Variants in DNAH8 observed in about 807,000 individuals in gnomAD.
DNAH8 encodes the protein axonemal beta dynein heavy chain 8.
In DNAH8, 382 loss-of-function variants were observed where a neutral mutation model predicts 562.1. The observed-to-expected ratio is 0.68, with a 90% CI of 0.63 to 0.74. The LOEUF is 0.74. DNAH8 is among the 30% of genes least tolerant of loss of function. DNAH8 has a pLI of 0.00. For missense variants in DNAH8, 5,203 were observed against 5,620.4 expected, an observed-to-expected ratio of 0.93 and a Z score of 2.37; for synonymous variants, 1,881 against 1,919.4, an observed-to-expected ratio of 0.98 and a Z score of 0.52.
chr6:38,740,918 A>G (rs937909611), intron 7 of DNAH8, among the ~76,000 whole-genome samples: 2 of 152,138 alleles, frequency 1.3e-5, no homozygotes, highest in Admixed American at 6.5e-5. Flanking sequence ...CCAACCTTAG[A>G]TATGCTAGTT....
intron 12 of DNAH8, among the ~76,000 whole-genome samples, chr6:38,772,837 TTG>T (rs1337998786): frequency 6.7e-6 from 1 of 149,292 alleles, no homozygotes; most frequent in African/African-American, 2.4e-5. Flanking sequence ...ATTAAAAAAA[TTG>T]AGATGGGGTC....
At chr6:38,907,087 T>C (rs1159404908) in intron 63 of DNAH8, among the ~76,000 whole-genome samples, 1 of 152,180 alleles carries the variant, frequency 6.6e-6, no homozygotes, top group Admixed American at 6.5e-5. Context: ...GTTCAACTTA[T>C]AGTTATACTC....
intron 12 of DNAH8, among the ~76,000 whole-genome samples, chr6:38,772,089 C>T (rs1229740229): frequency 7.0e-6 from 1 of 143,182 alleles, no homozygotes; most frequent in Non-Finnish European, 1.5e-5. Context: ...AGTGCAGTGG[C>T]GTGATCTCGG....
intron 24 of DNAH8, among the ~76,000 whole-genome samples, chr6:38,813,310 T>G (rs1771964850): frequency 6.6e-6 from 1 of 152,216 alleles, no homozygotes; most frequent in Non-Finnish European, 1.5e-5. Context: ...TCCTTTCCAA[T>G]AATACGTTTA....
chr6:38,983,348 G>A (rs1583504274), intron 86 of DNAH8, among the ~76,000 whole-genome samples: 1 of 152,126 alleles, frequency 6.6e-6, no homozygotes, highest in Non-Finnish European at 1.5e-5. Flanking sequence ...TCCGTAATGG[G>A]GTGGTAAGCC....
At chr6:38,818,728 G>A (rs890454085) in intron 26 of DNAH8, among the ~76,000 whole-genome samples, 2 of 152,158 alleles carry the variant, frequency 1.3e-5, no homozygotes, top group South Asian at 2.1e-4. Flanking sequence ...GCTGGATGCC[G>A]TTATATATAC....
chr6:38,982,504 C>G (rs2150714203), intron 86 of DNAH8, 42 bp downstream of exon 86: 2 of 1,042,804 alleles, frequency 1.9e-6, no homozygotes, highest in Non-Finnish European at 1.5e-6. Flanking sequence ...TATTGCTCTT[C>G]TTAAATCAGG....
rs375455553 is a variant in DNAH8 at position 39,030,106 on chromosome 6, A to C, written c.13838A>C (p.Glu4613Ala). 2.8e-5 allele frequency: 45 copies of C among 1,610,050 alleles called. 1 individual carries two copies. In the Admixed American group the frequency reaches 7.5e-4, roughly 27 times the overall value. The change falls in exon 93 of 93, where the codon GAA (glutamate) becomes GCA (alanine). Residue 4613 changes from glutamate (E) to alanine (A), a missense_variant and splice_region_variant. Around this residue, in one of 6 missense-constraint regions of DNAH8, gnomAD observed 1,399 missense variants for 1,518.4 expected, o/e 0.92. Coordinates refer to ENST00000327475, the MANE Select transcript of DNAH8 (RefSeq NM_001206927.2). Reference sequence around the variant, plus strand: ...TTACCTTATGCTTGACTCTTCCAGGAAGGTGTGTATATTTATGGGCTCTAC... The same window carrying C: ...TTACCTTATGCTTGACTCTTCCAGGCAGGTGTGTATATTTATGGGCTCTAC... ...TKEEITSPPG[E>A]GVYIYGLYMD...
At chr6:38,951,225 C>CT in intron 81 of DNAH8, 93 bp from the exon 82 acceptor site, 1 of 1,103,644 alleles carries the variant, frequency 9.1e-7, no homozygotes, top group Non-Finnish European at 1.4e-6. Context: ...ACTTGTTGCC[C>CT]TTTTGCTAAT....
chr6:38,722,519 C>T (rs1371275996), intron 1 of DNAH8, among the ~76,000 whole-genome samples: 1 of 151,600 alleles, frequency 6.6e-6, no homozygotes, highest in Non-Finnish European at 1.5e-5. Flanking sequence ...AGGGACAGTC[C>T]CCTAGAGCCA....
chr6:38,723,689 A>G (rs1164802965), intron 3 of DNAH8, among the ~76,000 whole-genome samples: 2 of 152,032 alleles, frequency 1.3e-5, no homozygotes, highest in Non-Finnish European at 2.9e-5. Flanking sequence ...AGCTTGGGCA[A>G]CATAGCAAAA....
intron 8 of DNAH8, among the ~76,000 whole-genome samples, chr6:38,749,469 C>T (rs944881001): frequency 2.7e-5 from 4 of 150,882 alleles, no homozygotes; most frequent in African/African-American, 9.8e-5. Flanking sequence ...GGCAGCAAAC[C>T]ACCATGGCAC....
intron 56 of DNAH8, among the ~76,000 whole-genome samples, chr6:38,884,345 T>C (rs942364008): frequency 3.3e-5 from 5 of 152,100 alleles, no homozygotes; most frequent in Non-Finnish European, 7.4e-5. Flanking sequence ...CAAGCTCGAG[T>C]GCAGTGGCAT....
At chr6:38,839,225 T>C (rs1432713243) in intron 33 of DNAH8, among the ~76,000 whole-genome samples, 1 of 152,192 alleles carries the variant, frequency 6.6e-6, no homozygotes, top group African/African-American at 2.4e-5. Context: ...ATCCAATGCG[T>C]TCACCCTCAG....
intron 20 of DNAH8, among the ~76,000 whole-genome samples, chr6:38,791,036 A>G (rs1262521487): frequency 2.0e-5 from 3 of 152,174 alleles, no homozygotes; most frequent in Non-Finnish European, 2.9e-5. Context: ...TGTATTTAAT[A>G]TTAACTAGAT....
chr6:38,844,190 G>A (rs949640481), intron 35 of DNAH8, among the ~76,000 whole-genome samples: 1 of 152,104 alleles, frequency 6.6e-6, no homozygotes, highest in Non-Finnish European at 1.5e-5. Context: ...TTCACCCCAT[G>A]GGAACCAAAG....
At chr6:38,765,159 G>T (rs554973894) in intron 11 of DNAH8, among the ~76,000 whole-genome samples, 1 of 152,190 alleles carries the variant, frequency 6.6e-6, no homozygotes, top group East Asian at 1.9e-4. Flanking sequence ...TTAAAATCAG[G>T]TTATTTATTT....
intron 79 of DNAH8, among the ~76,000 whole-genome samples, chr6:38,943,553 C>T (rs1783622201): frequency 1.3e-5 from 2 of 152,232 alleles, no homozygotes; most frequent in South Asian, 4.1e-4. Context: ...CTTTCTTCTT[C>T]AACCAAAAAT....
chr6:38,999,517 A>G (rs1051722560), intron 88 of DNAH8, among the ~76,000 whole-genome samples: 5 of 152,072 alleles, frequency 3.3e-5, no homozygotes, highest in African/African-American at 1.2e-4. Context: ...CATTGATAAA[A>G]TAATAAGAAG....
Sources: gnomAD v4.1 joint callset for allele counts (sites outside exome capture counted in the v4.1 genomes callset) on GRCh38, gnomAD v4.1.1 for gene constraint, gnomAD v4.1.1 regional missense constraint, MANE v1.5 for transcripts, NCBI Gene and HGNC (gene_info 2026-07-23, HGNC 2026-07-21) for gene names.